The following HCN1 variants were observed in gnomAD, a reference collection of about 807,000 sequenced individuals.
HCN1 encodes the protein hyperpolarization activated cyclic nucleotide gated potassium channel 1.
HCN1 carries 13 observed loss-of-function variants against 78.9 expected under a neutral mutation model. The observed-to-expected ratio is 0.16, with a 90% CI of 0.11 to 0.26. The LOEUF (loss-of-function observed/expected upper bound fraction) is 0.26. Ranked by LOEUF, HCN1 falls within the 10% of genes least tolerant of loss-of-function variation. HCN1 has a pLI of 1.00. For synonymous variants in HCN1, 552 were observed against 455.5 expected (o/e 1.21, Z -2.70); for missense variants, 810 against 1,154.3 (o/e 0.70, Z 4.32).
chr5:45,443,837 T>C (rs924681763), intron 3 of HCN1, among the ~76,000 whole-genome samples: 2 of 152,110 alleles, frequency 1.3e-5, no homozygotes, highest in Non-Finnish European at 2.9e-5. Flanking sequence ...TTATTACTGG[T>C]AATAAAGACA....
At chr5:45,599,949 C>T (rs1196714073) in intron 2 of HCN1, among the ~76,000 whole-genome samples, 2 of 151,962 alleles carry the variant, frequency 1.3e-5, no homozygotes, top group Admixed American at 1.3e-4. Flanking sequence ...AGACAACAAG[C>T]TTAGAAGGAA....
chr5:45,617,999 G>A (rs570967806), intron 2 of HCN1, among the ~76,000 whole-genome samples: 1 of 132,440 alleles, frequency 7.6e-6, no homozygotes, highest in Admixed American at 7.6e-5. Context: ...CAAAGCGTAA[G>A]CTCTGATGCA....
At position 45,387,665 on chromosome 5, in the gene HCN1, T is replaced by A. The variant is rs145135188; in HGVS notation, c.1230+8827A>T. The stretch of plus-strand genomic sequence containing the variant: ...TACATTTTATTATTTTGCCACTTCT[T>A]ACCCTGTATATCTCCACATTCTCTG... On this transcript the variant is annotated intron_variant, in intron 4 of 7. Coordinates refer to ENST00000303230, the MANE Select transcript of HCN1 (RefSeq NM_021072.4). Among the ~76,000 whole-genome samples, 99 of 152,198 alleles carry A rather than the reference T, an allele frequency of 6.5e-4. 1 individual carries two copies. In the East Asian group the frequency reaches 0.012, roughly 18 times the overall value.
chr5:45,398,409 G>T (rs2112042485), intron 3 of HCN1, among the ~76,000 whole-genome samples: 1 of 152,052 alleles, frequency 6.6e-6, no homozygotes, highest in African/African-American at 2.4e-5. Flanking sequence ...CTCATTTATA[G>T]CTCAGTAATT....
intron 1 of HCN1, among the ~76,000 whole-genome samples, chr5:45,679,763 T>C (rs1270702887): frequency 1.3e-5 from 2 of 152,170 alleles, no homozygotes; most frequent in East Asian, 3.9e-4. Context: ...GGAGAAATGC[T>C]ATTTTCAAAT....
chr5:45,587,885 G>A (rs1407834270), intron 2 of HCN1, among the ~76,000 whole-genome samples: 1 of 151,938 alleles, frequency 6.6e-6, no homozygotes, highest in Non-Finnish European at 1.5e-5. Context: ...TTCCCAAGTA[G>A]GATTAATGCC....
chr5:45,576,276 G>T (rs1579978400), intron 2 of HCN1: 1 of 152,128 alleles, frequency 6.6e-6, no homozygotes, highest in Non-Finnish European at 1.5e-5. Flanking sequence ...ATCTACACCT[G>T]ATAAAGATGC....
chr5:45,574,817 T>A (rs1443243709), intron 2 of HCN1: 1 of 152,152 alleles, frequency 6.6e-6, no homozygotes, highest in African/African-American at 2.4e-5. Flanking sequence ...TGGAGAAAGT[T>A]TGAGTGGTCT....
chr5:45,372,510 AT>A (rs1464898992), intron 4 of HCN1, among the ~76,000 whole-genome samples: 70 of 128,800 alleles, frequency 5.4e-4, no homozygotes, highest in Non-Finnish European at 2.7e-4. Context: ...TATATAAAAC[AT>A]TTACATATAA....
At chr5:45,500,573 T>C (rs1209254478) in intron 2 of HCN1, among the ~76,000 whole-genome samples, 2 of 152,240 alleles carry the variant, frequency 1.3e-5, no homozygotes, top group South Asian at 2.1e-4. Context: ...AATTATCAAC[T>C]TGTTATTTTA....
rs180836572 is a variant in HCN1 at position 45,373,858 on chromosome 5, C to T, written c.1231-20612G>A. On this transcript the variant is annotated intron_variant, in intron 4 of 7. Coordinates refer to ENST00000303230, the MANE Select transcript of HCN1 (RefSeq NM_021072.4). ...TATAATATATTACATACGGTATATA[C>T]GTCATCTATAATATATTACATACGG... Among the ~76,000 whole-genome samples, 884 of 119,078 alleles carry T rather than the reference C, an allele frequency of 7.4e-3. 1 individual carries two copies. The highest frequency in any genetic ancestry group is 0.017 in the East Asian group (63 of 3,786). The allele number at this position is 119,078 out of a possible 152,430, so 78.1% of individuals were successfully genotyped here.
At chr5:45,537,082 C>G (rs1742981092) in intron 2 of HCN1, among the ~76,000 whole-genome samples, 1 of 152,148 alleles carries the variant, frequency 6.6e-6, no homozygotes, top group African/African-American at 2.4e-5. Flanking sequence ...ATTTGTGGCT[C>G]TTTTTCCAGT....
chr5:45,593,305 CTCTCTCTCTCTCTCTCCCT>C (rs1744416380), intron 2 of HCN1, among the ~76,000 whole-genome samples: 2 of 72,682 alleles, frequency 2.8e-5, no homozygotes, highest in African/African-American at 4.7e-5. Flanking sequence ...CTCTCTCTCT[CTCTCTCTCTCTCTCTCCCT>C]CTCTCTCTCT....
intron 6 of HCN1, among the ~76,000 whole-genome samples, chr5:45,283,211 A>C (rs1181127355): frequency 6.6e-6 from 1 of 152,190 alleles, no homozygotes; most frequent in African/African-American, 2.4e-5. Context: ...CCTATGAAAT[A>C]CTATTCTTGA....
chr5:45,312,682 T>A (rs1023995429), intron 5 of HCN1, among the ~76,000 whole-genome samples: 1 of 152,184 alleles, frequency 6.6e-6, no homozygotes, highest in Non-Finnish European at 1.5e-5. Flanking sequence ...ACTGCACTTT[T>A]CCAATGGTCT....
At chr5:45,371,060 G>C (rs1397058547) in intron 4 of HCN1, among the ~76,000 whole-genome samples, 1 of 151,962 alleles carries the variant, frequency 6.6e-6, no homozygotes, top group Admixed American at 6.6e-5. Flanking sequence ...GTAAACTGTG[G>C]ACAATGAGAA....
intron 2 of HCN1, among the ~76,000 whole-genome samples, chr5:45,502,472 T>A (rs1272666516): frequency 1.3e-5 from 2 of 152,200 alleles, no homozygotes; most frequent in Admixed American, 1.3e-4. Context: ...GGATCCACTA[T>A]TATTTCATGA....
At chr5:45,664,301 A>C (rs1443923147) in intron 1 of HCN1, among the ~76,000 whole-genome samples, 6 of 113,188 alleles carry the variant, frequency 5.3e-5, no homozygotes, top group Admixed American at 2.0e-4. Flanking sequence ...CACTCTGGGG[A>C]CTGTGGTGGG....
At chr5:45,624,435 T>G (rs1229606114) in intron 2 of HCN1, among the ~76,000 whole-genome samples, 1 of 152,130 alleles carries the variant, frequency 6.6e-6, no homozygotes, top group Non-Finnish European at 1.5e-5. Context: ...ATCAGTGGAA[T>G]AGAATGGACT....
Sources: gnomAD v4.1 joint callset for allele counts (sites outside exome capture counted in the v4.1 genomes callset) on GRCh38, gnomAD v4.1.1 for gene constraint, MANE v1.5 for transcripts, NCBI Gene and HGNC (gene_info 2026-07-23, HGNC 2026-07-21) for gene names.